MLLT10: variants seen among roughly 807,000 people sequenced by gnomAD.
The protein encoded by MLLT10 is protein AF-10.
MLLT10 carries 30 observed loss-of-function variants against 129.1 expected under a neutral mutation model. The ratio of observed to expected loss-of-function variants is 0.23; its 90% CI spans 0.17 to 0.32. MLLT10 has a LOEUF of 0.32. MLLT10 is among the 10% of genes least tolerant of loss of function. The probability of loss-of-function intolerance (pLI) is 1.00; values close to 1 mark genes in which losing one functional copy is unlikely to be tolerated. For synonymous variants in MLLT10, 490 were observed against 446.4 expected, an observed-to-expected ratio of 1.10 and a Z score of -1.23; for missense variants, 1,119 against 1,268.3, an observed-to-expected ratio of 0.88 and a Z score of 1.79.
At position 21,674,419 on chromosome 10, in the gene MLLT10, G is replaced by T. The variant is rs538525584; in HGVS notation, c.1621+500G>T. ...AGACATTTTTATATCAGTGATAAAT[G>T]ATTTTAATTTATGGAATCCAGCAGT... On this transcript the variant is annotated intron_variant, in intron 11 of 22. Coordinates refer to ENST00000307729, the MANE Select transcript of MLLT10 (RefSeq NM_001195626.3). 3.2e-4 allele frequency among the ~76,000 whole-genome samples: 49 copies of T among 152,172 alleles called. 1 individual carries two copies. The highest frequency in any genetic ancestry group is 1.1e-3 in the African/African-American group (47 of 41,552).
At chr10:21,677,041 C>G (rs889499357) in intron 11 of MLLT10, among the ~76,000 whole-genome samples, 1 of 152,124 alleles carries the variant, frequency 6.6e-6, no homozygotes, top group Non-Finnish European at 1.5e-5. Flanking sequence ...TGTTATTACT[C>G]ATTATATAGG....
intron 8 of MLLT10, chr10:21,624,957 G>T: frequency 7.7e-7 from 1 of 1,302,314 alleles, no homozygotes; most frequent in Non-Finnish European, 1.1e-6. Flanking sequence ...CCTTGGTGGT[G>T]GTGAAGCACC....
intron 3 of MLLT10, among the ~76,000 whole-genome samples, chr10:21,561,539 G>T (rs531757032): frequency 1.3e-5 from 2 of 151,976 alleles, no homozygotes; most frequent in African/African-American, 4.8e-5. Context: ...GATTACAGGC[G>T]TGAGCCACTG....
rs1185129494 is a variant in MLLT10, at chr10:21,689,561, ATATG to A, written c.1699+7308_1699+7311del. ...TGTGTAAAGTAATATATATATATATATATGTATATATATATATATATATATATAG... is the reference window on the plus strand; with the variant it reads ...TGTGTAAAGTAATATATATATATATATATATATATATATATATATATATAG... On this transcript the variant is annotated intron_variant, in intron 13 of 22. Coordinates refer to ENST00000307729, the MANE Select transcript of MLLT10 (RefSeq NM_001195626.3). Among the ~76,000 whole-genome samples the A allele has an allele frequency of 3.1e-3, 281 of 90,128 alleles. 1 individual carries two copies. The highest frequency in any genetic ancestry group is 0.017 in the Middle Eastern group (3 of 174). The allele number at this position is 90,128 out of a possible 152,430, so 59.1% of individuals were successfully genotyped here.
At chr10:21,704,029 T>TG (rs1462552753) in intron 13 of MLLT10, among the ~76,000 whole-genome samples, 12 of 138,840 alleles carry the variant, frequency 8.6e-5, no homozygotes, top group Middle Eastern at 3.5e-3. Context: ...TTTTTTTTTT[T>TG]TTTTTTTTTT....
At chr10:21,690,134 G>A (rs2131431936) in intron 13 of MLLT10, among the ~76,000 whole-genome samples, 1 of 152,182 alleles carries the variant, frequency 6.6e-6, no homozygotes, top group South Asian at 2.1e-4. Flanking sequence ...TGTGGGTAGA[G>A]AAGACAGAAA....
At chr10:21,628,431 C>CTCT (rs1554823908) in intron 8 of MLLT10, among the ~76,000 whole-genome samples, 1 of 116,000 alleles carries the variant, frequency 8.6e-6, no homozygotes, top group African/African-American at 3.5e-5. Context: ...GATGCTCTCT[C>CTCT]TTTTTTTTTT....
intron 13 of MLLT10, among the ~76,000 whole-genome samples, chr10:21,703,557 T>A (rs995466953): frequency 2.0e-5 from 3 of 152,140 alleles, no homozygotes; most frequent in African/African-American, 7.2e-5. Context: ...GAAGTTCTTT[T>A]TTTTTGAGAC....
At chr10:21,544,241 C>T (rs1189212164) in intron 3 of MLLT10, among the ~76,000 whole-genome samples, 4 of 152,176 alleles carry the variant, frequency 2.6e-5, no homozygotes, top group South Asian at 2.1e-4. Flanking sequence ...TGAAAGATGA[C>T]GATACCTCAG....
At chr10:21,660,022 C>T (rs1341355093) in intron 9 of MLLT10, among the ~76,000 whole-genome samples, 8 of 151,736 alleles carry the variant, frequency 5.3e-5, no homozygotes, top group African/African-American at 1.9e-4. Context: ...GTTGCCCGGG[C>T]TGGAGTGCAG....
intron 13 of MLLT10, chr10:21,688,369 C>T (rs2053507076): frequency 2.6e-6 from 2 of 764,800 alleles, no homozygotes; most frequent in Non-Finnish European, 4.4e-6. Flanking sequence ...GATTTTAACC[C>T]TGATGATCCA....
At chr10:21,719,000 G>A (rs1030342643) in intron 14 of MLLT10, among the ~76,000 whole-genome samples, 1 of 152,208 alleles carries the variant, frequency 6.6e-6, no homozygotes, top group Non-Finnish European at 1.5e-5. Context: ...GGGATTGCAG[G>A]CGTGAGCCAC....
intron 4 of MLLT10, among the ~76,000 whole-genome samples, chr10:21,594,397 A>G (rs972316522): frequency 1.3e-5 from 2 of 151,736 alleles, no homozygotes; most frequent in Admixed American, 1.3e-4. Flanking sequence ...TAAAAATACA[A>G]AATTAGCCGG....
intron 14 of MLLT10, among the ~76,000 whole-genome samples, chr10:21,726,041 G>A (rs915100755): frequency 2.0e-5 from 3 of 152,024 alleles, no homozygotes; most frequent in Non-Finnish European, 4.4e-5. Context: ...GTGAGCCACC[G>A]CGCCCGGCCT....
At position 21,555,675 on chromosome 10, in the gene MLLT10, AT is replaced by A. The variant is rs748016694; in HGVS notation, c.240+16782del. Among the ~76,000 whole-genome samples the A allele has an allele frequency of 1.8e-3, 233 of 132,720 alleles. 3 individuals carry two copies. The highest frequency in any genetic ancestry group is 3.1e-3 in the Admixed American group (41 of 13,070). 87.1% of individuals were successfully genotyped at this position (132,720 alleles called of 152,430 possible). On this transcript the variant is annotated intron_variant, in intron 3 of 22. Coordinates refer to ENST00000307729, the MANE Select transcript of MLLT10 (RefSeq NM_001195626.3). ...TCAGCCTTGATTCAAATGTAAGACA[AT>A]TTTTTTTTTTTTTTTTTTGAGAGGG...
chr10:21,544,887 T>C (rs2035826165), intron 3 of MLLT10, among the ~76,000 whole-genome samples: 1 of 152,250 alleles, frequency 6.6e-6, no homozygotes, highest in South Asian at 2.1e-4. Context: ...GTCTTATGCC[T>C]GTAATCCCAG....
At chr10:21,541,018 G>C (rs2035052407) in intron 3 of MLLT10, among the ~76,000 whole-genome samples, 1 of 152,044 alleles carries the variant, frequency 6.6e-6, no homozygotes, top group African/African-American at 2.4e-5. Flanking sequence ...AAATTAGCTG[G>C]GTGTGGTGGT....
At chr10:21,606,576 A>G (rs2044093771) in intron 5 of MLLT10, among the ~76,000 whole-genome samples, 1 of 152,230 alleles carries the variant, frequency 6.6e-6, no homozygotes, top group South Asian at 2.1e-4. Context: ...TCTGTCCTGC[A>G]TGGATGACTG....
upstream of MLLT10, chr10:21,534,220 C>T (rs1284586890): frequency 7.6e-6 from 3 of 396,450 alleles, no homozygotes; most frequent in Non-Finnish European, 1.3e-5. Flanking sequence ...TCACGCCGGC[C>T]GCAGGACGGG....
Sources: gnomAD v4.1 joint callset for allele counts (sites outside exome capture counted in the v4.1 genomes callset) on GRCh38, gnomAD v4.1.1 for gene constraint, MANE v1.5 for transcripts, NCBI Gene and HGNC (gene_info 2026-07-23, HGNC 2026-07-21) for gene names.